Variants in CNTNAP5 observed in about 807,000 individuals in gnomAD.
CNTNAP5 encodes contactin-associated protein-like 5.
A neutral mutation model predicts 150.2 loss-of-function variants in CNTNAP5; 72 were observed. That is an observed-to-expected ratio of 0.48 (90% CI 0.40 to 0.58). The LOEUF (loss-of-function observed/expected upper bound fraction) is 0.58, where lower values mean the gene tolerates loss of function less well. CNTNAP5 is among the 20% of genes least tolerant of loss of function. The probability of loss-of-function intolerance (pLI) is 0.00; values close to 1 mark genes in which losing one functional copy is unlikely to be tolerated. For missense variants in CNTNAP5, 1,636 were observed against 1,626.2 expected (o/e 1.01, Z -0.10); for synonymous variants, 672 against 619.8 (o/e 1.08, Z -1.25).
intron 13 of CNTNAP5, among the ~76,000 whole-genome samples, chr2:124,694,368 G>A (rs1242608686): frequency 6.6e-6 from 1 of 152,126 alleles, no homozygotes; most frequent in East Asian, 1.9e-4. Flanking sequence ...CCTAGAACCT[G>A]CATTCCTGCC....
chr2:124,798,591 C>T (rs925341461), intron 19 of CNTNAP5, among the ~76,000 whole-genome samples: 40 of 152,158 alleles, frequency 2.6e-4, no homozygotes, highest in African/African-American at 9.2e-4. Context: ...TTATTCTGTG[C>T]TGGAATCCAT....
intron 22 of CNTNAP5, among the ~76,000 whole-genome samples, chr2:124,909,023 G>A (rs1015696302): frequency 2.6e-5 from 4 of 152,042 alleles, no homozygotes; most frequent in Non-Finnish European, 5.9e-5. Context: ...AGTAAGCTAA[G>A]GATAATTTAT....
At chr2:124,696,287 A>G (rs1679406068) in intron 13 of CNTNAP5, among the ~76,000 whole-genome samples, 1 of 152,200 alleles carries the variant, frequency 6.6e-6, no homozygotes, top group African/African-American at 2.4e-5. Flanking sequence ...GGCAGGAAAC[A>G]ATGCAGTGAT....
intron 13 of CNTNAP5, among the ~76,000 whole-genome samples, chr2:124,700,736 T>C (rs1392466350): frequency 6.6e-6 from 1 of 152,074 alleles, no homozygotes; most frequent in Non-Finnish European, 1.5e-5. Flanking sequence ...GATATATCAT[T>C]TGAAAATATG....
intron 13 of CNTNAP5, among the ~76,000 whole-genome samples, chr2:124,697,645 A>T (rs910925463): frequency 6.6e-6 from 1 of 151,278 alleles, no homozygotes; most frequent in South Asian, 2.1e-4. Flanking sequence ...CCCTTCCAGA[A>T]GCCTGGCATA....
At chr2:124,286,758 C>T (rs756623515) in intron 3 of CNTNAP5, among the ~76,000 whole-genome samples, 19 of 151,762 alleles carry the variant, frequency 1.3e-4, no homozygotes, top group Non-Finnish European at 2.5e-4. Context: ...TCACCCTTCT[C>T]CTGGGAGAAA....
chr2:124,382,857 G>A (rs1052200717), intron 3 of CNTNAP5, among the ~76,000 whole-genome samples: 25 of 152,072 alleles, frequency 1.6e-4, no homozygotes, highest in African/African-American at 6.0e-4. Flanking sequence ...AATTGAGCTT[G>A]TGTTTCTCTA....
intron 1 of CNTNAP5, among the ~76,000 whole-genome samples, chr2:124,206,720 A>T (rs1685873311): frequency 6.6e-6 from 1 of 152,218 alleles, no homozygotes; most frequent in Admixed American, 6.5e-5. Flanking sequence ...ACATTTTTGT[A>T]AAGGTAATTC....
rs1404271156 is a variant in CNTNAP5 at position 124,360,669 on chromosome 2, G to A, written c.382-56774G>A. Reference sequence around the variant, plus strand: ...TCTTCTGGCTTGTAGGGTTTCTGCCGAGAGATCCGCTGTTAGTCTGATGGG... The same window carrying A: ...TCTTCTGGCTTGTAGGGTTTCTGCCAAGAGATCCGCTGTTAGTCTGATGGG... On this transcript the variant is annotated intron_variant, in intron 3 of 23. Coordinates refer to ENST00000682447, the MANE Select transcript of CNTNAP5 (RefSeq NM_001367498.1). Among the ~76,000 whole-genome samples, 201 of 128,004 alleles carry A rather than the reference G, an allele frequency of 1.6e-3. 18 individuals carry two copies. The highest frequency in any genetic ancestry group is 0.014 in the Admixed American group (167 of 12,314). 84.0% of individuals were successfully genotyped at this position (128,004 alleles called of 152,430 possible).
At chr2:124,482,449 TA>T (rs957099272) in intron 7 of CNTNAP5, among the ~76,000 whole-genome samples, 2 of 152,214 alleles carry the variant, frequency 1.3e-5, no homozygotes, top group African/African-American at 4.8e-5. Context: ...CATCAGGTTT[TA>T]TTCATTTTTA....
intron 5 of CNTNAP5, among the ~76,000 whole-genome samples, chr2:124,441,258 A>G (rs1034309276): frequency 1.3e-5 from 2 of 152,254 alleles, no homozygotes; most frequent in African/African-American, 4.8e-5. Context: ...AGACTCAATA[A>G]TTACACGTCA....
chr2:124,162,039 A>G (rs576610799), intron 1 of CNTNAP5, among the ~76,000 whole-genome samples: 8 of 152,222 alleles, frequency 5.3e-5, no homozygotes, highest in African/African-American at 1.9e-4. Flanking sequence ...TGATTGTGGC[A>G]AAGCTCATTC....
At chr2:124,410,594 T>C (rs1049520686) in intron 3 of CNTNAP5, among the ~76,000 whole-genome samples, 6 of 147,052 alleles carry the variant, frequency 4.1e-5, no homozygotes, top group Non-Finnish European at 7.6e-5. Flanking sequence ...ACCGCTCAAC[T>C]ACATGGAAAC....
At chr2:124,116,472 T>C (rs1683431610) in intron 1 of CNTNAP5, among the ~76,000 whole-genome samples, 1 of 152,184 alleles carries the variant, frequency 6.6e-6, no homozygotes, top group African/African-American at 2.4e-5. Context: ...ATCCATAGTT[T>C]TATTTCACTG....
chr2:124,186,415 G>A (rs1685332985), intron 1 of CNTNAP5, among the ~76,000 whole-genome samples: 1 of 152,142 alleles, frequency 6.6e-6, no homozygotes, highest in Non-Finnish European at 1.5e-5. Context: ...AAATGCTTAT[G>A]AAAGGTTATA....
At chr2:124,259,032 G>C (rs57457512) in intron 3 of CNTNAP5, among the ~76,000 whole-genome samples, 106 of 100,066 alleles carry the variant, frequency 1.1e-3, no homozygotes, top group African/African-American at 3.7e-3. Context: ...AACAGGCCCC[G>C]GTGTGTGATG....
At chr2:124,676,923 G>A (rs939108315) in intron 13 of CNTNAP5, among the ~76,000 whole-genome samples, 9 of 150,332 alleles carry the variant, frequency 6.0e-5, no homozygotes, top group Admixed American at 6.6e-5. Context: ...ATTTTTGGAG[G>A]CCCTTCCTCC....
intron 1 of CNTNAP5, among the ~76,000 whole-genome samples, chr2:124,060,854 C>T (rs1264391339): frequency 2.0e-5 from 3 of 152,158 alleles, no homozygotes; most frequent in African/African-American, 4.8e-5. Context: ...AGGTGAACAA[C>T]CAAGTTAAAC....
At chr2:124,575,829 A>G (rs980541376) in intron 11 of CNTNAP5, among the ~76,000 whole-genome samples, 6 of 152,186 alleles carry the variant, frequency 3.9e-5, no homozygotes, top group African/African-American at 1.4e-4. Flanking sequence ...TAATTTTCAA[A>G]TTGTTGGCAC....
Sources: gnomAD v4.1 joint callset for allele counts (sites outside exome capture counted in the v4.1 genomes callset) on GRCh38, gnomAD v4.1.1 for gene constraint, MANE v1.5 for transcripts, NCBI Gene and HGNC (gene_info 2026-07-23, HGNC 2026-07-21) for gene names.